Variants in ZNF562 observed in about 807,000 individuals in gnomAD.
ZNF562 encodes zinc finger protein 562.
In ZNF562, 13 loss-of-function variants were observed where a neutral mutation model predicts 17.5. The ratio of observed to expected loss-of-function variants is 0.74; its 90% CI spans 0.48 to 1.18. The LOEUF is 1.18. Among genes scored for constraint, ZNF562 ranks in the 50% most tolerant of loss-of-function variants. The probability of loss-of-function intolerance (pLI) is 0.00; values close to 1 mark genes in which losing one functional copy is unlikely to be tolerated. For missense variants in ZNF562, 481 were observed against 498.5 expected (o/e 0.96, Z 0.33); for synonymous variants, 163 against 165.4 (o/e 0.99, Z 0.11).
At chr19:9,654,735 C>T (rs2043395682) in intron 5 of ZNF562, among the ~76,000 whole-genome samples, 1 of 152,128 alleles carries the variant, frequency 6.6e-6, no homozygotes, top group Non-Finnish European at 1.5e-5. Context: ...GCATGAGGCA[C>T]TGCGCCCGGC....
At chr19:9,658,968 C>A (rs565425211) in intron 3 of ZNF562, among the ~76,000 whole-genome samples, 1 of 152,172 alleles carries the variant, frequency 6.6e-6, no homozygotes, top group Non-Finnish European at 1.5e-5. Context: ...TACATTATCT[C>A]AGCACAAACA....
intron 1 of ZNF562, among the ~76,000 whole-genome samples, chr19:9,669,058 A>G (rs1411299711): frequency 1.3e-5 from 2 of 152,210 alleles, no homozygotes; most frequent in Non-Finnish European, 2.9e-5. Context: ...GTCTGGGTAA[A>G]GATTTCTTGG....
Position 9,659,465 on chromosome 19 carries a change from A to T in ZNF562, c.28T>A (p.Phe10Ile). Residue 10 changes from phenylalanine (F) to isoleucine (I), a missense_variant and splice_region_variant, in exon 3 of 6, where the codon TTT (phenylalanine) becomes ATT (isoleucine). Phe to Ile is a conservative substitution (Grantham distance 21, BLOSUM62 0). Transcript: ENST00000453372. The stretch of plus-strand genomic sequence containing the variant: ...GGACAGATTGGTTCCCTGGGAAAAA[A>T]CCCTAGTGGAAAAGTAAGAAGGCAT... MSAFDMSHG[F>I]FPREPICPFE... The T allele has an allele frequency of 6.4e-7, 1 of 1,550,728 alleles. No individual in the cohort carries two copies. Among genetic ancestry groups the T allele is most frequent in the Non-Finnish European group, 8.7e-7 (1 of 1,146,686 alleles).
Position 9,674,496 on chromosome 19 carries a change from C to G in ZNF562, c.-131+519G>C, listed in dbSNP as rs935391523. On this transcript the variant is annotated intron_variant, in intron 1 of 5. Transcript: ENST00000453372. ...TGCCACTGCACTCCAGCGTGGGCGA[C>G]AGAGTAAGACTCCAAATCAAAAAAA... The G allele has an allele frequency of 6.1e-5, 9 of 147,080 alleles. No individual in the cohort carries two copies. The Admixed American group carries it at 6.2e-4, about 10-fold the overall frequency. The allele number at this position is 147,080 out of a possible 1,614,324, so 9.1% of individuals were successfully genotyped here.
chr19:9,668,950 T>TA lies in ZNF562; in HGVS notation c.-131+6064dup, dbSNP rs149683337. On this transcript the variant is annotated intron_variant, in intron 1 of 5. Transcript: ENST00000453372. ...TAAAACTAGATGCCATCTCTCAGCA[T>TA]AAAAAAAAAAAGTCAAAACAGATTA... is the stretch of plus-strand genomic sequence containing the variant. Among the ~76,000 whole-genome samples the TA allele has an allele frequency of 2.2e-3, 315 of 144,936 alleles. 1 individual carries two copies. Among genetic ancestry groups the TA allele is most frequent in the Non-Finnish European group, 3.8e-3 (250 of 65,682 alleles).
intron 2 of ZNF562, among the ~76,000 whole-genome samples, chr19:9,659,929 TAAAAAAAAAAAAAAAAAAAAA>T (rs763657709): frequency 2.9e-3 from 108 of 37,344 alleles, no homozygotes; most frequent in African/African-American, 4.7e-3. Context: ...CCGTCTCTAC[TAAAAAAAAAAAAAAAAAAAAA>T]AAAAAAAAAA....
intron 5 of ZNF562, among the ~76,000 whole-genome samples, chr19:9,655,719 T>C (rs1350757658): frequency 2.5e-4 from 3 of 12,024 alleles, no homozygotes; most frequent in African/African-American, 1.5e-3. Context: ...TTTTCTTTCT[T>C]TTTTTTTTTT....
At chr19:9,654,645 C>T (rs1458505428) in intron 5 of ZNF562, among the ~76,000 whole-genome samples, 1 of 152,040 alleles carries the variant, frequency 6.6e-6, no homozygotes, top group Non-Finnish European at 1.5e-5. Context: ...GATGGGACTT[C>T]ATCATGTTAG....
rs1229992739 is a variant in ZNF562, at chr19:9,656,601, C to T, written c.294G>A (p.Arg98=). 1 of 1,614,036 alleles carries T rather than the reference C, an allele frequency of 6.2e-7. No homozygotes were observed. The highest frequency in any genetic ancestry group is 8.5e-7 in the Non-Finnish European group (1 of 1,180,002). The change falls in exon 5 of 6, where the codon CGG becomes CGA. Residue 98 remains arginine (R), a synonymous_variant. Transcript: ENST00000453372. The part of the protein sequence containing the change: ...SEWEIQPRTK[R]SSLQQGFLKN... ...TCAAAAAACCCTGCTGAAGTGATGA[C>T]CGTTTGGTTCTAGGTTGTATTTCCC...
At chr19:9,667,082 C>T (rs12462643) in intron 1 of ZNF562, among the ~76,000 whole-genome samples, 2 of 152,026 alleles carry the variant, frequency 1.3e-5, no homozygotes, top group South Asian at 2.1e-4. Context: ...CAAAACTACA[C>T]GCCAATATCA....
chr19:9,660,700 G>A lies in ZNF562; in HGVS notation c.25+20C>T. 1.2e-6 allele frequency: 2 copies of A among 1,611,322 alleles called. No individual in the cohort carries two copies. The highest frequency in any genetic ancestry group is 1.7e-6 in the Non-Finnish European group (2 of 1,178,516). ...GACCTAAAGCAGAATCTCTGAAAAA[G>A]AGCATCAACAAGGACTTACCATGGG... On this transcript the variant is annotated intron_variant, in intron 2 of 5. Transcript: ENST00000453372.
intron 1 of ZNF562, among the ~76,000 whole-genome samples, chr19:9,669,715 C>CTT (rs1568281523): frequency 8.7e-6 from 1 of 114,652 alleles, no homozygotes; most frequent in African/African-American, 4.0e-5. Context: ...TGCACGCGCG[C>CTT]GAGCGCGCGC....
chr19:9,664,911 G>T (rs114106870), intron 1 of ZNF562, among the ~76,000 whole-genome samples: 4,693 of 152,190 alleles, frequency 0.031, 244 homozygotes, highest in African/African-American at 0.11. Context: ...TTCTATATAT[G>T]CACACATGTG....
chr19:9,655,966 C>G (rs1347420962), intron 5 of ZNF562, among the ~76,000 whole-genome samples: 3 of 151,984 alleles, frequency 2.0e-5, no homozygotes, highest in African/African-American at 7.3e-5. Flanking sequence ...CTCCTGACCT[C>G]AAGTGATCCA....
chr19:9,668,301 C>T (rs1045057965), intron 1 of ZNF562, among the ~76,000 whole-genome samples: 3 of 151,906 alleles, frequency 2.0e-5, no homozygotes, highest in African/African-American at 7.3e-5. Context: ...TCCTTGAGCC[C>T]AGGAGTTCAA....
At position 9,646,016 on chromosome 19, in the gene ZNF562, G is replaced by T. The variant is rs1372077004; in HGVS notation, c.*6933C>A. 1 of 150,364 alleles carries T rather than the reference G, an allele frequency of 6.7e-6. No individual in the cohort carries two copies. The highest frequency in any genetic ancestry group is 1.5e-5 in the Non-Finnish European group (1 of 67,802). The allele number at this position is 150,364 out of a possible 1,614,324, so 9.3% of individuals were successfully genotyped here. A position where few individuals can be genotyped will look rare whatever the true frequency, so the allele number is the denominator to read the frequency against. On this transcript the variant is annotated 3_prime_UTR_variant, in exon 6 of 6. Transcript: ENST00000453372. ...CAAATTATTACTAATTAAATGTCAG[G>T]CACTAAATGTGCAACATAAAAGGAT...
At position 9,645,921 on chromosome 19, in the gene ZNF562, C is replaced by G. The variant is rs937596942; in HGVS notation, c.*7028G>C. 2 of 151,848 alleles carry G rather than the reference C, an allele frequency of 1.3e-5. No homozygotes were observed. Among genetic ancestry groups the G allele is most frequent in the African/African-American group, 4.8e-5 (2 of 41,306 alleles). 9.4% of individuals were successfully genotyped at this position (151,848 alleles called of 1,614,324 possible). On this transcript the variant is annotated 3_prime_UTR_variant, in exon 6 of 6. Transcript: ENST00000453372. ...GAATAAAATAAATTAAAGGTATGAT[C>G]AATACACATCAGTACAAAGAGGGGA...
At chr19:9,658,836 C>T (rs1466549292) in intron 3 of ZNF562, among the ~76,000 whole-genome samples, 1 of 151,610 alleles carries the variant, frequency 6.6e-6, no homozygotes, top group Non-Finnish European at 1.5e-5. Context: ...AGACAGGGTC[C>T]CACTGTGCCA....
intron 1 of ZNF562, among the ~76,000 whole-genome samples, chr19:9,669,762 A>G (rs1442483335): frequency 1.7e-4 from 26 of 150,822 alleles, no homozygotes; most frequent in Non-Finnish European, 3.7e-4. Context: ...ACACACACAC[A>G]CACACACACA....
Sources: allele counts gnomAD v4.1 joint callset (sites outside exome capture counted in the v4.1 genomes callset), GRCh38; gene constraint gnomAD v4.1.1; transcripts MANE v1.5; gene names NCBI Gene and HGNC (gene_info 2026-07-23, HGNC 2026-07-21).